ASTN2: variants seen among roughly 807,000 people sequenced by gnomAD.
The protein encoded by ASTN2 is astrotactin-2.
ASTN2 carries 54 observed loss-of-function variants against 139.8 expected under a neutral mutation model. The ratio of observed to expected loss-of-function variants is 0.39; its 90% CI spans 0.31 to 0.48. The LOEUF is 0.48. ASTN2 is among the 20% of genes least tolerant of loss of function. The probability of loss-of-function intolerance (pLI) is 0.95; values close to 1 mark genes in which losing one functional copy is unlikely to be tolerated. For synonymous variants in ASTN2, 756 were observed against 719.5 expected (o/e 1.05, Z -0.81); for missense variants, 1,565 against 1,725.1 (o/e 0.91, Z 1.64).
intron 10 of ASTN2, among the ~76,000 whole-genome samples, chr9:116,943,596 T>A (rs189560987): frequency 6.6e-6 from 1 of 152,336 alleles, no homozygotes; most frequent in Admixed American, 6.5e-5. Flanking sequence ...CAGATTCATG[T>A]TCTGGATGCA....
At chr9:117,089,853 T>A (rs1828661646) in intron 5 of ASTN2, among the ~76,000 whole-genome samples, 1 of 152,256 alleles carries the variant, frequency 6.6e-6, no homozygotes, top group Admixed American at 6.5e-5. Flanking sequence ...GCAAATGCCG[T>A]TAATTCATTC....
At chr9:117,040,536 G>C (rs1404778281) in intron 5 of ASTN2, among the ~76,000 whole-genome samples, 1 of 152,168 alleles carries the variant, frequency 6.6e-6, no homozygotes, top group East Asian at 1.9e-4. Context: ...TCGGCTCACT[G>C]TAACCTCCGC....
intron 2 of ASTN2, among the ~76,000 whole-genome samples, chr9:117,256,108 G>A (rs1399901652): frequency 6.6e-6 from 1 of 152,134 alleles, no homozygotes; most frequent in African/African-American, 2.4e-5. Context: ...AGTTTGGCAG[G>A]GCAGAGATGA....
chr9:116,573,599 A>G (rs2131695141), intron 19 of ASTN2, among the ~76,000 whole-genome samples: 2 of 152,174 alleles, frequency 1.3e-5, no homozygotes, highest in South Asian at 4.2e-4. Flanking sequence ...TTATTATTAA[A>G]TAACTATTTA....
At chr9:116,835,499 T>C (rs1013308780) in intron 11 of ASTN2, among the ~76,000 whole-genome samples, 1 of 152,162 alleles carries the variant, frequency 6.6e-6, no homozygotes, top group Non-Finnish European at 1.5e-5. Flanking sequence ...ATAGGAAACA[T>C]TTGTTGTCTA....
chr9:117,404,682 T>C (rs558622143), intron 1 of ASTN2, among the ~76,000 whole-genome samples: 27 of 152,266 alleles, frequency 1.8e-4, no homozygotes, highest in African/African-American at 6.5e-4. Flanking sequence ...CAAGTTCACC[T>C]AGCCAGATAG....
intron 20 of ASTN2, among the ~76,000 whole-genome samples, chr9:116,478,313 G>C (rs7043191): frequency 0.61 from 91,255 of 150,070 alleles, 28,144 homozygotes; most frequent in Admixed American, 0.69. Flanking sequence ...AGAATGGAGG[G>C]AGGAAAGGAG....
intron 19 of ASTN2, among the ~76,000 whole-genome samples, chr9:116,519,392 C>T (rs1850777794): frequency 6.6e-6 from 1 of 151,890 alleles, no homozygotes; most frequent in South Asian, 2.1e-4. Flanking sequence ...ATTAAATAGC[C>T]TGCTCCTGAA....
At chr9:116,993,876 A>ATATATATATTTT (rs1030120382) in intron 7 of ASTN2, among the ~76,000 whole-genome samples, 1,931 of 141,908 alleles carry the variant, frequency 0.014, 16 homozygotes, top group Non-Finnish European at 0.018. Flanking sequence ...ATATATATAT[A>ATATATATATTTT]TTTTAACTAT....
chr9:116,507,242 T>C (rs1850152006), intron 19 of ASTN2, among the ~76,000 whole-genome samples: 1 of 152,170 alleles, frequency 6.6e-6, no homozygotes, highest in African/African-American at 2.4e-5. Context: ...AAGCTCTCCA[T>C]AGTTTGTCTC....
chr9:116,872,017 T>G (rs1180402058), intron 10 of ASTN2, among the ~76,000 whole-genome samples: 21 of 151,748 alleles, frequency 1.4e-4, no homozygotes, highest in Admixed American at 1.4e-3. Flanking sequence ...CAGGCTGGAG[T>G]GCAGTGGCGC....
intron 19 of ASTN2, among the ~76,000 whole-genome samples, chr9:116,534,635 G>C (rs1334482205): frequency 6.6e-6 from 1 of 152,160 alleles, no homozygotes; most frequent in Non-Finnish European, 1.5e-5. Context: ...AGTCATTCAG[G>C]AACAGGTTGT....
At chr9:117,378,297 T>G (rs1830177352) in intron 1 of ASTN2, among the ~76,000 whole-genome samples, 1 of 152,114 alleles carries the variant, frequency 6.6e-6, no homozygotes, top group Non-Finnish European at 1.5e-5. Context: ...GTTTCCACCA[T>G]CTTCAAGGTC....
chr9:116,665,822 T>C (rs1343123252), intron 16 of ASTN2, among the ~76,000 whole-genome samples: 1 of 152,186 alleles, frequency 6.6e-6, no homozygotes. Context: ...CATTAATTCA[T>C]AATGTTCTGA....
intron 4 of ASTN2, among the ~76,000 whole-genome samples, chr9:117,125,780 G>A (rs1273495374): frequency 2.0e-5 from 3 of 151,830 alleles, no homozygotes; most frequent in East Asian, 1.9e-4. Context: ...ACTGTCAGGC[G>A]GCTGTTAAAA....
chr9:117,044,086 G>T (rs1163195029), intron 5 of ASTN2, among the ~76,000 whole-genome samples: 1 of 152,110 alleles, frequency 6.6e-6, no homozygotes, highest in African/African-American at 2.4e-5. Flanking sequence ...GCCAAGCAAA[G>T]ATTTGGCACA....
At chr9:117,113,816 A>T (rs1829309400) in intron 4 of ASTN2, among the ~76,000 whole-genome samples, 1 of 152,176 alleles carries the variant, frequency 6.6e-6, no homozygotes, top group African/African-American at 2.4e-5. Context: ...GACAAATCTA[A>T]TCTATAGTAA....
chr9:117,064,174 T>G (rs12335635), intron 5 of ASTN2, among the ~76,000 whole-genome samples: 3,056 of 151,902 alleles, frequency 0.02, 91 homozygotes, highest in African/African-American at 0.07. Flanking sequence ...AAGATCATGT[T>G]AAATCAAATC....
intron 3 of ASTN2, among the ~76,000 whole-genome samples, chr9:117,192,704 A>G (rs1375614230): frequency 6.6e-6 from 1 of 152,192 alleles, no homozygotes. Flanking sequence ...TTTACCAAAT[A>G]ATATTCAGGA....
Sources: gnomAD v4.1 joint callset for allele counts (sites outside exome capture counted in the v4.1 genomes callset) on GRCh38, gnomAD v4.1.1 for gene constraint, MANE v1.5 for transcripts, NCBI Gene and HGNC (gene_info 2026-07-23, HGNC 2026-07-21) for gene names.